GAB2: variants seen among roughly 807,000 people sequenced by gnomAD.
GAB2 encodes the protein GRB2 associated binding protein 2.
GAB2 carries 26 observed loss-of-function variants against 65.5 expected under a neutral mutation model. That is an observed-to-expected ratio of 0.40 (90% CI 0.29 to 0.55). The LOEUF (loss-of-function observed/expected upper bound fraction) is 0.55, where lower values mean the gene tolerates loss of function less well. GAB2 is among the 20% of genes least tolerant of loss of function. The pLI is 0.53. For synonymous variants in GAB2, 321 were observed against 329.6 expected, an observed-to-expected ratio of 0.97 and a Z score of 0.28; for missense variants, 884 against 875.8, an observed-to-expected ratio of 1.01 and a Z score of -0.12.
chr11:78,219,947 G>A (rs954761619), intron 9 of GAB2, among the ~76,000 whole-genome samples: 11 of 152,110 alleles, frequency 7.2e-5, no homozygotes, highest in South Asian at 2.1e-4. Context: ...ATGTATCGAC[G>A]GCAGGGCTCT....
Position 78,220,456 on chromosome 11 carries a change from A to C in GAB2, c.1762-12T>G, listed in dbSNP as rs564419113. The stretch of plus-strand genomic sequence containing the variant: ...GACACTGGGTTTTGCTGTCACGAGG[A>C]GGAAAAAACTGTGAGTGACTGCAGA... On this transcript the variant is annotated splice_polypyrimidine_tract_variant and intron_variant, in intron 8 of 9. Transcript: ENST00000361507. The C allele has an allele frequency of 5.8e-6, 9 of 1,557,644 alleles. No homozygotes were observed. Among genetic ancestry groups the C allele is most frequent in the Middle Eastern group, 3.4e-4 (2 of 5,816 alleles).
chr11:78,279,046 C>G (rs1282585067), intron 2 of GAB2, among the ~76,000 whole-genome samples: 1 of 151,732 alleles, frequency 6.6e-6, no homozygotes, highest in African/African-American at 2.4e-5. Flanking sequence ...AGGAAAAAAA[C>G]AAAAACAACC....
chr11:78,370,487 A>G (rs981865340), intron 1 of GAB2, among the ~76,000 whole-genome samples: 2 of 152,150 alleles, frequency 1.3e-5, no homozygotes, highest in African/African-American at 4.8e-5. Flanking sequence ...TATTGTGCCC[A>G]GGTTCTAGAA....
At chr11:78,258,603 C>G (rs892564226) in intron 2 of GAB2, among the ~76,000 whole-genome samples, 1 of 137,698 alleles carries the variant, frequency 7.3e-6, no homozygotes, top group Non-Finnish European at 1.5e-5. Context: ...TTTTAATTTT[C>G]TGTTTTTTTT....
At chr11:78,336,482 T>TG (rs1323622437) in intron 1 of GAB2, among the ~76,000 whole-genome samples, 28 of 90,042 alleles carry the variant, frequency 3.1e-4, no homozygotes, top group Admixed American at 1.7e-3. Flanking sequence ...TAGTTGTTGT[T>TG]TTTTTTTTTT....
At chr11:78,391,429 A>G (rs1856832615) in intron 1 of GAB2, among the ~76,000 whole-genome samples, 1 of 152,226 alleles carries the variant, frequency 6.6e-6, no homozygotes, top group Non-Finnish European at 1.5e-5. Flanking sequence ...TCAATGAAGT[A>G]TGGCCAAAGT....
intron 1 of GAB2, among the ~76,000 whole-genome samples, chr11:78,410,868 G>T (rs1591096706): frequency 6.6e-6 from 1 of 152,144 alleles, no homozygotes; most frequent in Non-Finnish European, 1.5e-5. Flanking sequence ...CTTCCAGAAG[G>T]CTAGACATGG....
chr11:78,369,355 G>C (rs1856538938), intron 1 of GAB2, among the ~76,000 whole-genome samples: 1 of 152,116 alleles, frequency 6.6e-6, no homozygotes, highest in African/African-American at 2.4e-5. Flanking sequence ...TACTGTATTT[G>C]AGCCATGACT....
intron 3 of GAB2, among the ~76,000 whole-genome samples, chr11:78,242,359 G>C (rs1865156718): frequency 1.3e-5 from 2 of 152,144 alleles, no homozygotes; most frequent in Admixed American, 6.5e-5. Context: ...AAAATTAGCT[G>C]GGTGTGGTGG....
chr11:78,378,843 A>T (rs1342028509), intron 1 of GAB2, among the ~76,000 whole-genome samples: 1 of 152,118 alleles, frequency 6.6e-6, no homozygotes, highest in Non-Finnish European at 1.5e-5. Flanking sequence ...CCTTATATCC[A>T]CTTACCATAC....
At position 78,238,591 on chromosome 11, in the gene GAB2, A is replaced by C. The variant is rs112412554; in HGVS notation, c.621-11540T>G. The stretch of plus-strand genomic sequence containing the variant: ...GAAAACTAAGTCAACCCACAAGAAC[A>C]AAGTTCTTGGACCTTTACCTTAAAA... On this transcript the variant is annotated intron_variant, in intron 3 of 9. Transcript: ENST00000361507. Among the ~76,000 whole-genome samples, 1,474 of 152,184 alleles carry C rather than the reference A, an allele frequency of 9.7e-3. 13 individuals carry two copies. Among genetic ancestry groups the C allele is most frequent in the South Asian group, 0.029 (139 of 4,826 alleles).
chr11:78,254,799 A>AAAAAAAG (rs376330759), intron 2 of GAB2, among the ~76,000 whole-genome samples: 1 of 151,724 alleles, frequency 6.6e-6, no homozygotes, highest in African/African-American at 2.4e-5. Context: ...CCTTGTCTCT[A>AAAAAAAG]AAAAAAGAAA....
At chr11:78,321,876 A>G (rs1348714518) in intron 1 of GAB2, among the ~76,000 whole-genome samples, 1 of 152,190 alleles carries the variant, frequency 6.6e-6, no homozygotes, top group Non-Finnish European at 1.5e-5. Flanking sequence ...AAAGTTAAAA[A>G]AAAAAAAACA....
intron 3 of GAB2, among the ~76,000 whole-genome samples, chr11:78,242,778 A>G (rs891244497): frequency 2.0e-5 from 3 of 152,258 alleles, no homozygotes; most frequent in Admixed American, 1.3e-4. Context: ...AATAAAACTG[A>G]TCAACAAAAT....
In GAB2 at chr11:78,250,151, T is replaced by A; in HGVS notation, c.620+6A>T. The A allele has an allele frequency of 6.2e-7, 1 of 1,612,280 alleles. No individual in the cohort carries two copies. The highest frequency in any genetic ancestry group is 8.5e-7 in the Non-Finnish European group (1 of 1,179,848). On this transcript the variant is annotated splice_donor_region_variant and intron_variant, in intron 3 of 9. Transcript: ENST00000361507. ...AACCCACCTAATGGCTGTGGCAGCC[T>A]CCTACCTTGCATTTTCTGCTCTTCG...
At chr11:78,227,207 A>G (rs1864696116) in intron 3 of GAB2, among the ~76,000 whole-genome samples, 156 bp from the exon 4 acceptor site, 1 of 152,196 alleles carries the variant, frequency 6.6e-6, no homozygotes. Context: ...CTAGTATATG[A>G]ATGTTTAAAC....
chr11:78,251,381 T>C (rs901760447), intron 2 of GAB2, among the ~76,000 whole-genome samples: 1 of 152,214 alleles, frequency 6.6e-6, no homozygotes, highest in Non-Finnish European at 1.5e-5. Flanking sequence ...TTCCCTCTTA[T>C]CTCAAGCTTT....
chr11:78,379,023 A>C (rs149731968), intron 1 of GAB2, among the ~76,000 whole-genome samples: 18 of 152,346 alleles, frequency 1.2e-4, no homozygotes, highest in African/African-American at 4.3e-4. Context: ...AAGGTGTTGC[A>C]AGGAAGGAGA....
At chr11:78,321,520 GCGGAGAAATGGTTCCTGTAAT>G (rs1479254321) in intron 1 of GAB2, among the ~76,000 whole-genome samples, 1 of 152,210 alleles carries the variant, frequency 6.6e-6, no homozygotes, top group Non-Finnish European at 1.5e-5. Context: ...TGTTCAGTAA[GCGGAGAAATGGTTCCTGTAAT>G]TAAGAGATGC....
Sources: allele counts gnomAD v4.1 joint callset (sites outside exome capture counted in the v4.1 genomes callset), GRCh38; gene constraint gnomAD v4.1.1; transcripts MANE v1.5; gene names NCBI Gene and HGNC (gene_info 2026-07-23, HGNC 2026-07-21).